Variants in MMUT observed in about 807,000 individuals in gnomAD.
The protein encoded by MMUT is methylmalonyl-CoA mutase, mitochondrial.
MMUT carries 79 observed loss-of-function variants against 79.9 expected under a neutral mutation model. That is an observed-to-expected ratio of 0.99 (90% CI 0.82 to 1.19). The LOEUF (loss-of-function observed/expected upper bound fraction) is 1.19, where lower values mean the gene tolerates loss of function less well. Ranked by LOEUF, MMUT falls within the 50% of genes most tolerant of loss-of-function variation. The pLI, the probability that MMUT is intolerant of heterozygous loss-of-function variation, is 0.00. For synonymous variants in MMUT, 273 were observed against 295.7 expected (o/e 0.92, Z 0.79); for missense variants, 860 against 917.2 (o/e 0.94, Z 0.81).
intron 11 of MMUT, among the ~76,000 whole-genome samples, chr6:49,438,164 A>G (rs1306443737): frequency 6.6e-6 from 1 of 152,164 alleles, no homozygotes; most frequent in Admixed American, 6.5e-5. Context: ...TAGATGATCA[A>G]TACATATGTA....
intron 11 of MMUT, among the ~76,000 whole-genome samples, chr6:49,438,153 G>T (rs956690205): frequency 6.6e-6 from 1 of 151,940 alleles, no homozygotes; most frequent in Admixed American, 6.6e-5. Flanking sequence ...CTAGCATCTG[G>T]TAGATGATCA....
At chr6:49,462,305 G>A (rs555714106) in intron 1 of MMUT, among the ~76,000 whole-genome samples, 1 of 152,260 alleles carries the variant, frequency 6.6e-6, no homozygotes, top group East Asian at 1.9e-4. Context: ...AAGATTTCTT[G>A]AACCAATAAG....
intron 9 of MMUT, chr6:49,443,771 C>T (rs1178396278): frequency 1.8e-5 from 8 of 441,756 alleles, no homozygotes; most frequent in Admixed American, 1.7e-4. Context: ...GTAGTAAGTA[C>T]AAAAAACTTT....
intron 2 of MMUT, among the ~76,000 whole-genome samples, chr6:49,458,737 G>A (rs1037477698): frequency 6.6e-6 from 1 of 152,144 alleles, no homozygotes; most frequent in Non-Finnish European, 1.5e-5. Context: ...CTTTCTTTGG[G>A]CATCATCTAA....
chr6:49,441,852 G>A lies in MMUT; in HGVS notation c.1796C>T (p.Ser599Phe). 6.2e-7 allele frequency: 1 copy of A among 1,611,530 alleles called. No individual in the cohort carries two copies. The highest frequency in any genetic ancestry group is 2.2e-5 in the East Asian group (1 of 44,720). Residue 599 changes from serine (S) to phenylalanine (F), a missense_variant, in exon 10 of 13, where the codon TCT becomes TTT. Physicochemically the swap from Ser to Phe is radical, Grantham distance 155. Coordinates refer to ENST00000274813, the MANE Select transcript of MMUT (RefSeq NM_000255.4). ...QEFGESKEITSAIKRVHKFME... is the reference protein window; with the variant it reads ...QEFGESKEITFAIKRVHKFME... ...CCTTACATATTACCTCTTGATAGCA[G>A]ATGTTATCTCTTTACTTTCTCCAAA...
At chr6:49,448,985 T>C in intron 6 of MMUT, 58 bp from the exon 7 acceptor site, 1 of 1,129,642 alleles carries the variant, frequency 8.9e-7, no homozygotes, top group Non-Finnish European at 1.3e-6. Flanking sequence ...GTGTAAACTA[T>C]ATAAATTTGT....
In MMUT at chr6:49,460,004, TC is replaced by T. The variant is rs1767800241; in HGVS notation, c.-39-500del. On this transcript the variant is annotated intron_variant, in intron 1 of 12. Transcript: ENST00000274813. ...AGGCCTTCATGAACTGGTCTCTGTT[TC>T]CCCCTCAGACCCATCTCTGTCTTTG... 2.6e-5 allele frequency among the ~76,000 whole-genome samples: 4 copies of T among 152,188 alleles called. No homozygotes were observed. The South Asian group carries it at 8.3e-4, about 32-fold the overall frequency.
intron 11 of MMUT, among the ~76,000 whole-genome samples, chr6:49,436,531 G>A (rs779330592): frequency 6.6e-6 from 1 of 151,648 alleles, no homozygotes; most frequent in African/African-American, 2.4e-5. Flanking sequence ...CTTGAACCCA[G>A]GAGGTGGAGG....
intron 11 of MMUT, among the ~76,000 whole-genome samples, chr6:49,438,544 C>T (rs976272296): frequency 6.6e-6 from 1 of 152,134 alleles, no homozygotes; most frequent in Non-Finnish European, 1.5e-5. Flanking sequence ...TAGTTCTGAA[C>T]TGACACTTTT....
chr6:49,454,809 G>T (rs1035762491), intron 4 of MMUT, among the ~76,000 whole-genome samples: 25 of 152,290 alleles, frequency 1.6e-4, no homozygotes, highest in African/African-American at 6.0e-4. Context: ...ACTTTAGGAG[G>T]CCAAGGCAGG....
intron 3 of MMUT, among the ~76,000 whole-genome samples, chr6:49,457,380 A>G (rs1263260143): frequency 6.6e-6 from 1 of 152,206 alleles, no homozygotes; most frequent in Admixed American, 6.5e-5. Flanking sequence ...GTCTGATACC[A>G]GTGTCTACTT....
At position 49,448,944 on chromosome 6, in the gene MMUT, TAACA is replaced by T; in HGVS notation, c.1333-21_1333-18del. On this transcript the variant is annotated intron_variant, in intron 6 of 12. Coordinates refer to ENST00000274813, the MANE Select transcript of MMUT (RefSeq NM_000255.4). ...ATTAATGAGCTAAAAAGAAAAACAT[TAACA>T]AAACTAAAAGAGAATATTAAAAATG... 6.7e-7 allele frequency: 1 copy of T among 1,497,546 alleles called. No individual in the cohort carries two copies. The highest frequency in any genetic ancestry group is 9.3e-7 in the Non-Finnish European group (1 of 1,073,964). 92.8% of individuals were successfully genotyped at this position (1,497,546 alleles called of 1,614,324 possible). A position where few individuals can be genotyped will look rare whatever the true frequency, so the allele number is the denominator to read the frequency against.
rs1766951829 is a variant in MMUT at position 49,430,705 on chromosome 6, A to G, written c.*1023T>C. The G allele has an allele frequency of 6.6e-6, 1 of 152,212 alleles. No individual in the cohort carries two copies. The highest frequency in any genetic ancestry group is 2.4e-5 in the African/African-American group (1 of 41,464). 9.4% of individuals were successfully genotyped at this position (152,212 alleles called of 1,614,324 possible). ...AAAGATAATTATTTATGTTATATTC[A>G]TGTAATGGATCATGTTAACAATAAA... is the stretch of plus-strand genomic sequence containing the variant. On this transcript the variant is annotated 3_prime_UTR_variant, in exon 13 of 13. Transcript: ENST00000274813.
chr6:49,461,594 C>T (rs34272273), intron 1 of MMUT, among the ~76,000 whole-genome samples: 6,004 of 151,946 alleles, frequency 0.04, 158 homozygotes, highest in Middle Eastern at 0.095. Context: ...CACGGTGAAA[C>T]CCAGTCTCTA....
At chr6:49,453,041 T>TA (rs1409213094) in intron 5 of MMUT, among the ~76,000 whole-genome samples, 3 of 134,284 alleles carry the variant, frequency 2.2e-5, no homozygotes, top group Non-Finnish European at 5.0e-5. Flanking sequence ...CTTTCTTTGT[T>TA]TTTTTTTTTT....
At chr6:49,440,692 T>C (rs561835562) in intron 10 of MMUT, among the ~76,000 whole-genome samples, 2 of 152,264 alleles carry the variant, frequency 1.3e-5, no homozygotes, top group South Asian at 4.1e-4. Flanking sequence ...GAGAGCTCCA[T>C]TAAAGCCATT....
rs76573580 is a variant in MMUT, at chr6:49,434,141, C to A, written c.2124+1315G>T. On this transcript the variant is annotated intron_variant, in intron 12 of 12. Transcript: ENST00000274813. Reference sequence around the variant, plus strand: ...ATTTTAATATCATGCCTAGGTATCACAGACTCTAAAACTGCAACGCTGATA... The same window carrying A: ...ATTTTAATATCATGCCTAGGTATCAAAGACTCTAAAACTGCAACGCTGATA... Among the ~76,000 whole-genome samples the A allele has an allele frequency of 3.2e-3, 490 of 152,096 alleles. 5 individuals are homozygous for A. The highest frequency in any genetic ancestry group is 0.011 in the African/African-American group (460 of 41,480).
Position 49,430,864 on chromosome 6 carries a change from A to G in MMUT, c.*864T>C, listed in dbSNP as rs1766955472. On this transcript the variant is annotated 3_prime_UTR_variant, in exon 13 of 13. Coordinates refer to ENST00000274813, the MANE Select transcript of MMUT (RefSeq NM_000255.4). Reference sequence around the variant, plus strand: ...GAGCAAATCTTTCAGTAAGCAAAGTACAGGTGTTCTCTGTGATATTTTTAT... The same window carrying G: ...GAGCAAATCTTTCAGTAAGCAAAGTGCAGGTGTTCTCTGTGATATTTTTAT... 6.6e-6 allele frequency: 1 copy of G among 152,202 alleles called. No individual in the cohort carries two copies. Among genetic ancestry groups the G allele is most frequent in the African/African-American group, 2.4e-5 (1 of 41,462 alleles). 9.4% of individuals were successfully genotyped at this position (152,202 alleles called of 1,614,324 possible).
At chr6:49,442,094 T>A in intron 9 of MMUT, 123 bp from the exon 10 acceptor site, 2 of 1,173,908 alleles carry the variant, frequency 1.7e-6, no homozygotes, top group South Asian at 2.9e-5. Flanking sequence ...AAATGTAAAA[T>A]AAGAATTTTT....
Sources: gnomAD v4.1 joint callset for allele counts (sites outside exome capture counted in the v4.1 genomes callset) on GRCh38, gnomAD v4.1.1 for gene constraint, MANE v1.5 for transcripts, NCBI Gene and HGNC (gene_info 2026-07-23, HGNC 2026-07-21) for gene names.